Variants in BRCA1 observed in about 807,000 individuals in gnomAD.
BRCA1 encodes the protein breast cancer type 1 susceptibility protein.
A neutral mutation model predicts 173.7 loss-of-function variants in BRCA1; 140 were observed. The ratio of observed to expected loss-of-function variants is 0.81; its 90% CI spans 0.70 to 0.93. The LOEUF (loss-of-function observed/expected upper bound fraction) is 0.93, where lower values mean the gene tolerates loss of function less well. BRCA1 is among the 40% of genes least tolerant of loss of function. The probability of loss-of-function intolerance (pLI) is 0.00; values close to 1 mark genes in which losing one functional copy is unlikely to be tolerated. For missense variants in BRCA1, 1,983 were observed against 2,172.5 expected (o/e 0.91, Z 1.73); for synonymous variants, 662 against 756.0 (o/e 0.88, Z 2.04).
At chr17:43,091,057 A>T (rs773630860) in intron 10 of BRCA1, 25 bp from the exon 11 acceptor site, 1 of 1,597,408 alleles carries the variant, frequency 6.3e-7, no homozygotes, top group Admixed American at 1.7e-5. Context: ...ACAGAGGTTC[A>T]GATGTAAAAG....
chr17:43,164,704 G>A (rs1162334991), intron 1 of BRCA1: 1 of 152,150 alleles, frequency 6.6e-6, no homozygotes, highest in African/African-American at 2.4e-5. Context: ...CAGCAGTCTT[G>A]GTGGTTAGCA....
intron 3 of BRCA1, chr17:43,112,734 A>AGGG (rs367749335): frequency 0.45 from 68,117 of 151,534 alleles, 16,996 homozygotes; most frequent in African/African-American, 0.68. Flanking sequence ...GACTATCACA[A>AGGG]GCTTGAAACC....
At chr17:43,090,915 G>C (rs273900726) in intron 11 of BRCA1, 29 bp downstream of exon 11, 2 of 1,573,452 alleles carry the variant, frequency 1.3e-6, no homozygotes, top group African/African-American at 2.7e-5. Flanking sequence ...CCACACACAC[G>C]CATGTGCACA....
intron 1 of BRCA1, chr17:43,168,331 TATC>T: frequency 2.9e-6 from 1 of 350,214 alleles, no homozygotes; most frequent in Non-Finnish European, 5.6e-6. Context: ...AACTTCATTT[TATC>T]ATTTTAAAAT....
At chr17:43,089,094 T>C (rs2053342645) in intron 11 of BRCA1, among the ~76,000 whole-genome samples, 1 of 152,120 alleles carries the variant, frequency 6.6e-6, no homozygotes, top group African/African-American at 2.4e-5. Context: ...GGGTGGATTA[T>C]TTGAGGTCAG....
At chr17:43,104,622 C>A (rs1262793239) in intron 5 of BRCA1, among the ~76,000 whole-genome samples, 1 of 152,130 alleles carries the variant, frequency 6.6e-6, no homozygotes, top group South Asian at 2.1e-4. Flanking sequence ...ACAAATGACA[C>A]ACCCTCAATA....
In BRCA1 at chr17:43,044,656, A is replaced by G. The variant is rs2152203448; in HGVS notation, c.*1022T>C. On this transcript the variant is annotated 3_prime_UTR_variant, in exon 23 of 23. Transcript: ENST00000357654. ...TGGATTATATACCAGAGCTACAACAATAAACATTTTACTTATTACTAATGA... is the reference window on the plus strand; with the variant it reads ...TGGATTATATACCAGAGCTACAACAGTAAACATTTTACTTATTACTAATGA... The G allele has an allele frequency of 2.0e-6, 1 of 506,486 alleles. No homozygotes were observed. The highest frequency in any genetic ancestry group is 3.9e-6 in the Non-Finnish European group (1 of 258,876). The allele number at this position is 506,486 out of a possible 1,614,324, so 31.4% of individuals were successfully genotyped here.
At chr17:43,074,634 A>G in intron 13 of BRCA1, 113 bp from the exon 14 acceptor site, 6 of 1,014,556 alleles carry the variant, frequency 5.9e-6, no homozygotes, top group Non-Finnish European at 8.9e-6. Flanking sequence ...GAGATCAGAA[A>G]TGACTGGCAA....
intron 18 of BRCA1, among the ~76,000 whole-genome samples, chr17:43,059,945 G>C (rs1363807368): frequency 6.6e-6 from 1 of 151,822 alleles, no homozygotes; most frequent in South Asian, 2.1e-4. Flanking sequence ...TTGCTCTTTC[G>C]CCCAGCCTGG....
intron 19 of BRCA1, among the ~76,000 whole-genome samples, chr17:43,052,885 T>G (rs1332927873): frequency 6.6e-6 from 1 of 150,966 alleles, no homozygotes; most frequent in East Asian, 1.9e-4. Flanking sequence ...TGTGTTTTTT[T>G]TTTTTTTTTG....
chr17:43,077,848 G>A (rs2052810989), intron 12 of BRCA1, among the ~76,000 whole-genome samples: 2 of 151,842 alleles, frequency 1.3e-5, no homozygotes, highest in Admixed American at 1.3e-4. Flanking sequence ...CTGTTCTCCT[G>A]CCTCAGCCTC....
At chr17:43,062,512 T>G (rs183369379) in intron 18 of BRCA1, among the ~76,000 whole-genome samples, 1 of 152,228 alleles carries the variant, frequency 6.6e-6, no homozygotes, top group Non-Finnish European at 1.5e-5. Flanking sequence ...ATAAAACTCC[T>G]TTTCCTTTCT....
chr17:43,106,635 C>T, intron 3 of BRCA1, 102 bp from the exon 4 acceptor site: 5 of 836,954 alleles, frequency 6.0e-6, no homozygotes, highest in Non-Finnish European at 7.6e-6. Flanking sequence ...CACAACTGCC[C>T]TTAAGAGCCA....
upstream of BRCA1, among the ~76,000 whole-genome samples, chr17:43,126,855 G>A (rs565288543): frequency 3.3e-4 from 50 of 152,258 alleles, no homozygotes; most frequent in Admixed American, 2.7e-3. Flanking sequence ...GGCGGGTGTG[G>A]GAACTGGGGC....
At chr17:43,158,801 G>A (rs1287573670) in intron 1 of BRCA1, among the ~76,000 whole-genome samples, 2 of 152,124 alleles carry the variant, frequency 1.3e-5, no homozygotes, top group African/African-American at 2.4e-5. Flanking sequence ...TAGAGATAAA[G>A]GATAGATACA....
upstream of BRCA1, among the ~76,000 whole-genome samples, chr17:43,126,352 C>T (rs1335856228): frequency 6.6e-6 from 1 of 152,200 alleles, no homozygotes; most frequent in Non-Finnish European, 1.5e-5. Flanking sequence ...GGACTAGTTA[C>T]TGTCTTTGTC....
At chr17:43,145,162 A>G (rs2056111519) in intron 1 of BRCA1, 2 of 708,356 alleles carry the variant, frequency 2.8e-6, no homozygotes, top group Non-Finnish European at 5.4e-6. Context: ...TAACCAAAAA[A>G]CTAAAGAAGA....
chr17:43,091,057 A>G (rs773630860), intron 10 of BRCA1, 25 bp from the exon 11 acceptor site: 4 of 1,597,408 alleles, frequency 2.5e-6, no homozygotes, highest in Admixed American at 1.7e-5. Context: ...ACAGAGGTTC[A>G]GATGTAAAAG....
chr17:43,143,405 C>T (rs752640758), intron 1 of BRCA1, among the ~76,000 whole-genome samples: 6 of 152,052 alleles, frequency 3.9e-5, no homozygotes, highest in African/African-American at 7.2e-5. Context: ...AACCGATGGG[C>T]GGCTCACTTT....
Sources: allele counts gnomAD v4.1 joint callset (sites outside exome capture counted in the v4.1 genomes callset), GRCh38; gene constraint gnomAD v4.1.1; transcripts MANE v1.5; gene names NCBI Gene and HGNC (gene_info 2026-07-23, HGNC 2026-07-21).